Variants in IPO11 observed in about 807,000 individuals in gnomAD.
IPO11 encodes the protein importin 11, also known as importin-11.
IPO11 carries 66 observed loss-of-function variants against 143.2 expected under a neutral mutation model. The observed-to-expected ratio is 0.46, with a 90% CI of 0.38 to 0.57. The LOEUF is 0.57. Ranked by LOEUF, IPO11 falls within the 20% of genes least tolerant of loss-of-function variation. The pLI is 0.00. For missense variants in IPO11, 1,026 were observed against 1,141.0 expected, an observed-to-expected ratio of 0.90 and a Z score of 1.45; for synonymous variants, 385 against 377.8, an observed-to-expected ratio of 1.02 and a Z score of -0.22.
chr5:62,503,410 T>TA (rs1741424507), intron 16 of IPO11, among the ~76,000 whole-genome samples: 2 of 148,326 alleles, frequency 1.3e-5, no homozygotes, highest in African/African-American at 4.9e-5. Context: ...ATTAATAGTA[T>TA]CTATTAATAT....
intron 27 of IPO11, among the ~76,000 whole-genome samples, chr5:62,589,139 G>C (rs1051643422): frequency 1.4e-4 from 21 of 152,006 alleles, no homozygotes; most frequent in African/African-American, 4.8e-4. Flanking sequence ...CACCCCTTTG[G>C]CACCTGTACT....
At chr5:62,515,592 T>A in intron 20 of IPO11, 91 bp downstream of exon 20, 1 of 713,208 alleles carries the variant, frequency 1.4e-6, no homozygotes, top group Non-Finnish European at 2.2e-6. Flanking sequence ...TGATTTATGT[T>A]AATGGTAGTG....
intron 3 of IPO11, among the ~76,000 whole-genome samples, chr5:62,445,331 C>T (rs945385406): frequency 6.6e-6 from 1 of 152,048 alleles, no homozygotes; most frequent in Non-Finnish European, 1.5e-5. Context: ...CCAATTTCTG[C>T]TTGACATATA....
At chr5:62,530,457 A>G (rs1742508097) in intron 21 of IPO11, among the ~76,000 whole-genome samples, 1 of 152,220 alleles carries the variant, frequency 6.6e-6, no homozygotes, top group African/African-American at 2.4e-5. Flanking sequence ...GTGTAAAGCC[A>G]TGTTGTGCAA....
At position 62,493,981 on chromosome 5, in the gene IPO11, G is replaced by A. The variant is rs748982907; in HGVS notation, c.1464-17G>A. On this transcript the variant is annotated splice_polypyrimidine_tract_variant and intron_variant, in intron 15 of 29. Transcript: ENST00000325324. ...AAAATATTTAACATTTTAATTTCAT[G>A]ATTTTTTCCTGTTTAGGTATAAGCC... The A allele has an allele frequency of 1.9e-6, 3 of 1,589,942 alleles. No homozygotes were observed. The highest frequency in any genetic ancestry group is 2.3e-5 in the South Asian group (2 of 85,310).
At chr5:62,413,185 C>G (rs939742501) in intron 1 of IPO11, among the ~76,000 whole-genome samples, 1 of 152,156 alleles carries the variant, frequency 6.6e-6, no homozygotes, top group Non-Finnish European at 1.5e-5. Flanking sequence ...GGACCGTATG[C>G]TAGGCTGAGC....
chr5:62,580,278 T>A, intron 27 of IPO11: 3 of 1,540,838 alleles, frequency 1.9e-6, no homozygotes, highest in Non-Finnish European at 2.6e-6. Context: ...ATCTTAAACA[T>A]TTGATCTTAA....
chr5:62,433,679 G>C (rs1389771685), intron 1 of IPO11, among the ~76,000 whole-genome samples: 2 of 152,192 alleles, frequency 1.3e-5, no homozygotes, highest in Non-Finnish European at 2.9e-5. Context: ...ATCAAAGCAA[G>C]GGGAGGACCT....
intron 20 of IPO11, among the ~76,000 whole-genome samples, chr5:62,523,145 C>T (rs530923082): frequency 1.3e-5 from 2 of 152,356 alleles, no homozygotes; most frequent in South Asian, 4.1e-4. Flanking sequence ...TTCTTCCCAG[C>T]TTCCAAAGTG....
chr5:62,427,364 A>G (rs1284320879), intron 1 of IPO11, among the ~76,000 whole-genome samples: 1 of 152,178 alleles, frequency 6.6e-6, no homozygotes, highest in Non-Finnish European at 1.5e-5. Context: ...GCAAGCAAAT[A>G]GCTTCTCTCC....
intron 24 of IPO11, among the ~76,000 whole-genome samples, chr5:62,541,707 T>A (rs1400385200): frequency 1.3e-5 from 2 of 152,028 alleles, no homozygotes; most frequent in Non-Finnish European, 2.9e-5. Context: ...AAATTAATTG[T>A]ATTTTATTTT....
chr5:62,469,977 A>G (rs562562648), intron 6 of IPO11, among the ~76,000 whole-genome samples: 2 of 152,352 alleles, frequency 1.3e-5, no homozygotes, highest in African/African-American at 4.8e-5. Context: ...AAGAAGTACT[A>G]ACAATTATAT....
At chr5:62,481,278 C>T (rs1029193429) in intron 9 of IPO11, among the ~76,000 whole-genome samples, 3 of 152,036 alleles carry the variant, frequency 2.0e-5, no homozygotes, top group African/African-American at 7.2e-5. Context: ...TTGCCCTGGC[C>T]GGAACTTCCA....
At chr5:62,602,137 G>A (rs1277769516) in intron 29 of IPO11, among the ~76,000 whole-genome samples, 1 of 152,134 alleles carries the variant, frequency 6.6e-6, no homozygotes, top group Non-Finnish European at 1.5e-5. Context: ...TATTTAAGTT[G>A]AAATGTTTAT....
rs774462483 is a variant in IPO11 at position 62,536,819 on chromosome 5, AATT to A, written c.2169+45_2169+47del. 4.2e-6 allele frequency: 6 copies of A among 1,425,012 alleles called. No individual in the cohort carries two copies. In the South Asian group the frequency reaches 6.3e-5, roughly 15 times the overall value. The allele number at this position is 1,425,012 out of a possible 1,614,324, so 88.3% of individuals were successfully genotyped here. ...ACTTTTGCATTATATGAAATTATAT[AATT>A]ATTATTTTGATTATTATTTGAAATC... On this transcript the variant is annotated intron_variant, in intron 23 of 29. Coordinates refer to ENST00000325324, the MANE Select transcript of IPO11 (RefSeq NM_016338.5).
chr5:62,565,085 A>G (rs748631819), intron 27 of IPO11, among the ~76,000 whole-genome samples: 2 of 152,174 alleles, frequency 1.3e-5, no homozygotes, highest in African/African-American at 2.4e-5. Flanking sequence ...TTTCTCATCT[A>G]TTTAATGCAG....
chr5:62,461,565 T>A (rs967861049), intron 5 of IPO11, among the ~76,000 whole-genome samples: 3 of 152,248 alleles, frequency 2.0e-5, no homozygotes, highest in African/African-American at 7.2e-5. Flanking sequence ...CAGCCATTTG[T>A]GTAGAGACCT....
chr5:62,483,492 A>AT (rs1474492250), intron 10 of IPO11, 199 bp downstream of exon 10: 2 of 443,840 alleles, frequency 4.5e-6, no homozygotes, highest in South Asian at 3.9e-5. Context: ...TTAATAAGCC[A>AT]TTTTTTGTAG....
intron 24 of IPO11, among the ~76,000 whole-genome samples, chr5:62,549,881 G>A (rs1374614752): frequency 6.6e-6 from 1 of 152,122 alleles, no homozygotes; most frequent in African/African-American, 2.4e-5. Context: ...TAATAAATAT[G>A]CAGTATATAT....
Sources: allele counts gnomAD v4.1 joint callset (sites outside exome capture counted in the v4.1 genomes callset), GRCh38; gene constraint gnomAD v4.1.1; transcripts MANE v1.5; gene names NCBI Gene and HGNC (gene_info 2026-07-23, HGNC 2026-07-21).